Variants in SLC41A2 observed in about 807,000 individuals in gnomAD.
SLC41A2 encodes the protein SLC41A1-like 1.
In SLC41A2, 32 loss-of-function variants were observed where a neutral mutation model predicts 58.3. The ratio of observed to expected loss-of-function variants is 0.55; its 90% CI spans 0.41 to 0.74. The LOEUF (loss-of-function observed/expected upper bound fraction) is 0.74, where lower values mean the gene tolerates loss of function less well. SLC41A2 is among the 30% of genes least tolerant of loss of function. The pLI is 0.00. For synonymous variants in SLC41A2, 190 were observed against 235.0 expected, an observed-to-expected ratio of 0.81 and a Z score of 1.75; for missense variants, 514 against 680.6, an observed-to-expected ratio of 0.76 and a Z score of 2.72.
chr12:104,857,776 G>T lies in SLC41A2; in HGVS notation c.1255+3515C>A, dbSNP rs945773600. Among the ~76,000 whole-genome samples the T allele has an allele frequency of 2.7e-5, 4 of 145,828 alleles. No individual in the cohort carries two copies. In the East Asian group the frequency reaches 6.1e-4, roughly 22 times the overall value. ...AAGGACAGAAAACCAAACACCGCAT[G>T]TTCTCACTCATAGGAATTGAACAAT... On this transcript the variant is annotated intron_variant, in intron 8 of 10. Transcript: ENST00000258538.
At chr12:104,866,696 C>A in intron 6 of SLC41A2, 117 bp from the exon 7 acceptor site, 1 of 766,794 alleles carries the variant, frequency 1.3e-6, no homozygotes, top group South Asian at 3.5e-5. Context: ...TATTAACATG[C>A]TATACATTTT....
chr12:104,941,810 A>G (rs151168807), intron 1 of SLC41A2, among the ~76,000 whole-genome samples: 6 of 152,388 alleles, frequency 3.9e-5, no homozygotes, highest in South Asian at 2.1e-4. Flanking sequence ...GCAAATCACA[A>G]TGGCACACGT....
chr12:104,948,074 T>C (rs970782984), intron 1 of SLC41A2, among the ~76,000 whole-genome samples: 1 of 152,212 alleles, frequency 6.6e-6, no homozygotes, highest in Non-Finnish European at 1.5e-5. Flanking sequence ...ATGGAAATTC[T>C]TTATTGTTTC....
intron 1 of SLC41A2, among the ~76,000 whole-genome samples, chr12:104,940,082 C>T (rs1403722610): frequency 2.0e-5 from 3 of 151,750 alleles, no homozygotes; most frequent in Non-Finnish European, 2.9e-5. Flanking sequence ...GGCGTGATCT[C>T]GGCTCACCGC....
In SLC41A2 at chr12:104,805,087, A is replaced by G; in HGVS notation, c.*65T>C. 1 of 1,357,516 alleles carries G rather than the reference A, an allele frequency of 7.4e-7. No homozygotes were observed. The highest frequency in any genetic ancestry group is 9.9e-7 in the Non-Finnish European group (1 of 1,007,488). The allele number at this position is 1,357,516 out of a possible 1,614,324, so 84.1% of individuals were successfully genotyped here. Reference sequence around the variant, plus strand: ...AACTACTGATTTAAGAGTTTTGAAAAAGAGCCATAAGTGGTTGTCGTGTAT... The same window carrying G: ...AACTACTGATTTAAGAGTTTTGAAAGAGAGCCATAAGTGGTTGTCGTGTAT... On this transcript the variant is annotated 3_prime_UTR_variant, in exon 11 of 11. Coordinates refer to ENST00000258538, the MANE Select transcript of SLC41A2 (RefSeq NM_001352171.3).
rs578127509 is a variant in SLC41A2 at position 104,924,209 on chromosome 12, C to A, written c.555+3764G>T. Among the ~76,000 whole-genome samples the A allele has an allele frequency of 1.0e-3, 153 of 152,244 alleles. 1 individual carries two copies. Among genetic ancestry groups the A allele is most frequent in the African/African-American group, 3.3e-3 (138 of 41,550 alleles). On this transcript the variant is annotated intron_variant, in intron 2 of 10. Coordinates refer to ENST00000258538, the MANE Select transcript of SLC41A2 (RefSeq NM_001352171.3). ...ATCACAGAAATCTCTATTAAAACGA[C>A]AATGAGGTACCACTCCACATGTGCC...
intron 1 of SLC41A2, among the ~76,000 whole-genome samples, chr12:104,956,634 G>A (rs1433166328): frequency 6.6e-6 from 1 of 152,050 alleles, no homozygotes; most frequent in Non-Finnish European, 1.5e-5. Context: ...AGCCAAGATT[G>A]TGCCACTGCA....
intron 1 of SLC41A2, among the ~76,000 whole-genome samples, chr12:104,930,406 T>A (rs1328638326): frequency 6.6e-6 from 1 of 152,168 alleles, no homozygotes; most frequent in Non-Finnish European, 1.5e-5. Flanking sequence ...CATCTGGAAC[T>A]TAGGAGATTC....
At chr12:104,949,830 G>C (rs1195063109) in intron 1 of SLC41A2, among the ~76,000 whole-genome samples, 1 of 152,192 alleles carries the variant, frequency 6.6e-6, no homozygotes, top group African/African-American at 2.4e-5. Flanking sequence ...TGATCCGCCT[G>C]CCTCAGCCTC....
chr12:104,923,138 G>A (rs534406698), intron 2 of SLC41A2, among the ~76,000 whole-genome samples: 11 of 146,658 alleles, frequency 7.5e-5, no homozygotes, highest in African/African-American at 2.0e-4. Flanking sequence ...CGAGGCGTGT[G>A]GGTCACGAGG....
chr12:104,912,368 C>T (rs1434134501), intron 2 of SLC41A2, among the ~76,000 whole-genome samples: 1 of 152,172 alleles, frequency 6.6e-6, no homozygotes, highest in Non-Finnish European at 1.5e-5. Context: ...CCCCCACCCA[C>T]ACAAACACCT....
rs57548373 is a variant in SLC41A2, at chr12:104,866,381, TACACACACAC to T, written c.1175+41_1175+50del. On this transcript the variant is annotated intron_variant, in intron 7 of 10. Coordinates refer to ENST00000258538, the MANE Select transcript of SLC41A2 (RefSeq NM_001352171.3). ...GAAGACACACAAAGACAGACAGACG[TACACACACAC>T]ACACACACACACACACACACACACA... is the stretch of plus-strand genomic sequence containing the variant. 9,129 of 1,419,900 alleles carry T rather than the reference TACACACACAC, an allele frequency of 6.4e-3. 71 individuals carry two copies. Among genetic ancestry groups the T allele is most frequent in the African/African-American group, 0.056 (3,680 of 65,280 alleles). 88.0% of individuals were successfully genotyped at this position (1,419,900 alleles called of 1,614,324 possible). A position where few individuals can be genotyped will look rare whatever the true frequency, so the allele number is the denominator to read the frequency against.
At chr12:104,816,289 TAAAC>T (rs1326849949) in intron 10 of SLC41A2, among the ~76,000 whole-genome samples, 2 of 152,182 alleles carry the variant, frequency 1.3e-5, no homozygotes, top group African/African-American at 2.4e-5. Context: ...AGCAGCATTA[TAAAC>T]AAAATACCCC....
intron 3 of SLC41A2, among the ~76,000 whole-genome samples, chr12:104,901,883 T>C (rs1372459972): frequency 2.0e-5 from 3 of 152,206 alleles, no homozygotes; most frequent in Non-Finnish European, 4.4e-5. Flanking sequence ...CTGTATCTTA[T>C]GATATCTTAT....
At chr12:104,848,976 G>A (rs992971077) in intron 8 of SLC41A2, among the ~76,000 whole-genome samples, 4 of 151,610 alleles carry the variant, frequency 2.6e-5, no homozygotes, top group African/African-American at 9.7e-5. Flanking sequence ...TAGTGCTATC[G>A]ACTTTTAATA....
chr12:104,942,738 C>G (rs1180589330), intron 1 of SLC41A2, among the ~76,000 whole-genome samples: 1 of 152,162 alleles, frequency 6.6e-6, no homozygotes, highest in Non-Finnish European at 1.5e-5. Context: ...ATTTACTCAT[C>G]TAATGTTATA....
chr12:104,855,431 A>G (rs1363488903), intron 8 of SLC41A2, among the ~76,000 whole-genome samples: 1 of 152,164 alleles, frequency 6.6e-6, no homozygotes, highest in African/African-American at 2.4e-5. Context: ...CTGTGTTATT[A>G]CTACATACAT....
chr12:104,899,747 C>A (rs1371105004), intron 3 of SLC41A2, among the ~76,000 whole-genome samples: 1 of 152,144 alleles, frequency 6.6e-6, no homozygotes, highest in African/African-American at 2.4e-5. Context: ...ATAATCCAAG[C>A]CACTAAAACT....
chr12:104,950,634 T>C (rs2047916698), intron 1 of SLC41A2, among the ~76,000 whole-genome samples: 2 of 152,330 alleles, frequency 1.3e-5, no homozygotes, highest in African/African-American at 2.4e-5. Flanking sequence ...TCTCCTGAGA[T>C]AGCTGGGACT....
Sources: allele counts gnomAD v4.1 joint callset (sites outside exome capture counted in the v4.1 genomes callset), GRCh38; gene constraint gnomAD v4.1.1; transcripts MANE v1.5; gene names NCBI Gene and HGNC (gene_info 2026-07-23, HGNC 2026-07-21).